PTPRD: variants seen among roughly 807,000 people sequenced by gnomAD.
PTPRD encodes the protein receptor-type tyrosine-protein phosphatase delta.
Under a neutral mutation model 214.5 loss-of-function variants are expected in PTPRD, and 34 were observed. The ratio of observed to expected loss-of-function variants is 0.16; its 90% confidence interval spans 0.12 to 0.21. PTPRD has a LOEUF of 0.21. Among genes scored for constraint, PTPRD ranks in the 10% least tolerant of loss-of-function variants. PTPRD has a pLI of 1.00. For synonymous variants in PTPRD, 1,128 were observed against 845.7 expected (o/e 1.33, Z -5.79); for missense variants, 2,545 against 2,398.7 (o/e 1.06, Z -1.27).
chr9:9,027,209 G>A (rs570049889), intron 10 of PTPRD, among the ~76,000 whole-genome samples: 2 of 151,688 alleles, frequency 1.3e-5, no homozygotes, highest in African/African-American at 2.4e-5. Flanking sequence ...CAAATGTAAC[G>A]ATAAACCAAG....
intron 9 of PTPRD, among the ~76,000 whole-genome samples, chr9:9,228,516 T>C (rs2099961001): frequency 6.6e-6 from 1 of 152,118 alleles, no homozygotes; most frequent in Non-Finnish European, 1.5e-5. Flanking sequence ...TGATCATATA[T>C]ATAATTAATC....
chr9:9,948,882 G>A lies in PTPRD; in HGVS notation c.-471-10272C>T, dbSNP rs2093122707. Among the ~76,000 whole-genome samples, 3 of 151,988 alleles carry A rather than the reference G, an allele frequency of 2.0e-5. No homozygotes were observed. The South Asian group carries it at 6.2e-4, about 32-fold the overall frequency. Reference sequence around the variant, plus strand: ...AAGATAATTGCAAAGAACAAGATATGGCAGTCAAATTTTGAGCTATTTGAA... The same window carrying A: ...AAGATAATTGCAAAGAACAAGATATAGCAGTCAAATTTTGAGCTATTTGAA... On this transcript the variant is annotated intron_variant, in intron 4 of 45. Transcript: ENST00000381196.
intron 3 of PTPRD, among the ~76,000 whole-genome samples, chr9:10,316,176 C>CAT (rs1565242638): frequency 3.5e-5 from 5 of 143,058 alleles, no homozygotes; most frequent in African/African-American, 1.3e-4. Flanking sequence ...TGTATATATA[C>CAT]ATAGATATAC....
At chr9:8,826,102 G>C (rs1027647584) in intron 11 of PTPRD, among the ~76,000 whole-genome samples, 1 of 152,060 alleles carries the variant, frequency 6.6e-6, no homozygotes, top group Non-Finnish European at 1.5e-5. Context: ...ACAATTCACA[G>C]ATAAAGGCCT....
chr9:9,765,228 C>A (rs139422413), intron 6 of PTPRD, among the ~76,000 whole-genome samples: 1 of 152,016 alleles, frequency 6.6e-6, no homozygotes, highest in Non-Finnish European at 1.5e-5. Context: ...TATTAACATA[C>A]GCATTTATAG....
intron 2 of PTPRD, among the ~76,000 whole-genome samples, chr9:10,443,271 A>G (rs1311825580): frequency 6.6e-6 from 1 of 151,612 alleles, no homozygotes; most frequent in East Asian, 1.9e-4. Flanking sequence ...TAATTTTTCT[A>G]CCTTGTGGAA....
chr9:10,053,794 T>C (rs1589820387), intron 3 of PTPRD, among the ~76,000 whole-genome samples: 2 of 152,178 alleles, frequency 1.3e-5, no homozygotes, highest in East Asian at 1.9e-4. Flanking sequence ...AGTCTCACTC[T>C]GTAGCCCAGG....
At chr9:10,304,919 A>G (rs1362176516) in intron 3 of PTPRD, among the ~76,000 whole-genome samples, 1 of 152,216 alleles carries the variant, frequency 6.6e-6, no homozygotes, top group Non-Finnish European at 1.5e-5. Flanking sequence ...TTTAAAGTTC[A>G]TATGGAACCA....
intron 10 of PTPRD, among the ~76,000 whole-genome samples, chr9:9,080,560 T>C (rs1325324990): frequency 1.3e-5 from 2 of 152,030 alleles, no homozygotes; most frequent in Non-Finnish European, 2.9e-5. Flanking sequence ...TTCCCAAGAT[T>C]ACATAGCTAC....
chr9:8,927,504 C>T (rs1391729003), intron 11 of PTPRD, among the ~76,000 whole-genome samples: 2 of 152,102 alleles, frequency 1.3e-5, no homozygotes, highest in East Asian at 3.9e-4. Flanking sequence ...TGATGGTTTC[C>T]AGCTTCATCC....
chr9:8,317,970 C>G lies in PTPRD; in HGVS notation c.5671-28G>C, dbSNP rs370434450. ...GCAGGAGACAATGAATGGGGAGAAG[C>G]AAAAGAAGGGACCATGAGCATATTT... is the stretch of plus-strand genomic sequence containing the variant. On this transcript the variant is annotated intron_variant, in intron 45 of 45. Coordinates refer to ENST00000381196, the MANE Select transcript of PTPRD (RefSeq NM_002839.4). The G allele has an allele frequency of 1.8e-5, 29 of 1,591,418 alleles. No homozygotes were observed. The African/African-American group carries it at 3.9e-4, about 21-fold the overall frequency.
chr9:8,527,266 C>G (rs2139365186), intron 16 of PTPRD, 79 bp downstream of exon 16: 1 of 1,444,172 alleles, frequency 6.9e-7, no homozygotes, highest in South Asian at 1.2e-5. Context: ...GCATGCCATG[C>G]ATTTTATTAA....
intron 12 of PTPRD, among the ~76,000 whole-genome samples, chr9:8,727,065 A>C (rs2098590434): frequency 6.6e-6 from 1 of 152,162 alleles, no homozygotes; most frequent in South Asian, 2.1e-4. Context: ...TAAGGGAATA[A>C]AACCAGGAGA....
chr9:9,147,090 G>A (rs2099869848), intron 10 of PTPRD, among the ~76,000 whole-genome samples: 1 of 152,092 alleles, frequency 6.6e-6, no homozygotes, highest in Non-Finnish European at 1.5e-5. Context: ...ACAAGTATGA[G>A]ATTAGACCTG....
chr9:9,082,987 T>C (rs2099761492), intron 10 of PTPRD, among the ~76,000 whole-genome samples: 1 of 152,170 alleles, frequency 6.6e-6, no homozygotes, highest in Non-Finnish European at 1.5e-5. Context: ...CAAAGTAATT[T>C]ATAGATTCAA....
chr9:8,498,608 G>A (rs546143673), intron 25 of PTPRD, among the ~76,000 whole-genome samples: 41 of 152,256 alleles, frequency 2.7e-4, no homozygotes, highest in Admixed American at 2.6e-3. Flanking sequence ...TTCACACAAA[G>A]AAACGCATTT....
At chr9:8,597,513 C>CA (rs200806161) in intron 14 of PTPRD, among the ~76,000 whole-genome samples, 75 of 147,868 alleles carry the variant, frequency 5.1e-4, no homozygotes, top group South Asian at 1.5e-3. Flanking sequence ...CAAAATAAAA[C>CA]AAAAAAAAGG....
At chr9:10,077,353 G>T (rs2098148609) in intron 3 of PTPRD, among the ~76,000 whole-genome samples, 1 of 152,004 alleles carries the variant, frequency 6.6e-6, no homozygotes, top group African/African-American at 2.4e-5. Context: ...CCTAACTTGT[G>T]GTTCTCAAAA....
chr9:10,495,198 G>A (rs116935522), intron 2 of PTPRD, among the ~76,000 whole-genome samples: 2,375 of 151,918 alleles, frequency 0.016, 28 homozygotes, highest in Middle Eastern at 0.085. Context: ...GAGAAATGGA[G>A]TAGAGTTATC....
Sources: gnomAD v4.1 joint callset for allele counts (sites outside exome capture counted in the v4.1 genomes callset) on GRCh38, gnomAD v4.1.1 for gene constraint, MANE v1.5 for transcripts, NCBI Gene and HGNC (gene_info 2026-07-23, HGNC 2026-07-21) for gene names.